The following ROBO1 variants were observed in gnomAD, a reference collection of about 807,000 sequenced individuals.
The protein encoded by ROBO1 is roundabout guidance receptor 1, also known as roundabout homolog 1.
A neutral mutation model predicts 195.9 loss-of-function variants in ROBO1; 149 were observed. The observed-to-expected ratio is 0.76, with a 90% CI of 0.67 to 0.87. ROBO1 has a LOEUF of 0.87. Among genes scored for constraint, ROBO1 ranks in the 40% least tolerant of loss-of-function variants. The pLI is 0.00. For missense variants in ROBO1, 1,933 were observed against 2,068.3 expected (o/e 0.93, Z 1.27); for synonymous variants, 816 against 733.2 (o/e 1.11, Z -1.82).
intron 10 of ROBO1, among the ~76,000 whole-genome samples, chr3:78,673,296 T>C (rs974015729): frequency 6.6e-6 from 1 of 151,092 alleles, no homozygotes; most frequent in African/African-American, 2.4e-5. Context: ...CTATAACTTG[T>C]TATTAGTCAC....
At chr3:79,400,026 T>G (rs373667535) in intron 2 of ROBO1, among the ~76,000 whole-genome samples, 3 of 152,254 alleles carry the variant, frequency 2.0e-5, no homozygotes, top group East Asian at 3.9e-4. Context: ...GTTTTATATT[T>G]AATTACTCAT....
intron 4 of ROBO1, among the ~76,000 whole-genome samples, chr3:78,922,593 C>T: frequency 7.6e-6 from 1 of 131,310 alleles, no homozygotes; most frequent in East Asian, 2.0e-4. Context: ...TCTTCTTCTC[C>T]TTCTTCTTCT....
intron 2 of ROBO1, among the ~76,000 whole-genome samples, chr3:79,460,528 C>G (rs1249493619): frequency 6.6e-6 from 1 of 152,008 alleles, no homozygotes; most frequent in Non-Finnish European, 1.5e-5. Context: ...TTTAATGATC[C>G]TTGTCAAGAG....
intron 2 of ROBO1, among the ~76,000 whole-genome samples, chr3:79,283,823 G>A (rs959465442): frequency 4.0e-5 from 6 of 150,540 alleles, no homozygotes; most frequent in Admixed American, 6.6e-5. Context: ...TCAGCCTCCC[G>A]AGTAGCTGGG....
Position 79,052,590 on chromosome 3 carries a change from A to G in ROBO1, c.172+72866T>C, listed in dbSNP as rs749589873. ...TTGCTGGTTTTGCAGCTCAGGGGGA[A>G]TCACAGAACCTGCCGACATGTGATG... On this transcript the variant is annotated intron_variant, in intron 3 of 30. Coordinates refer to ENST00000464233, the MANE Select transcript of ROBO1 (RefSeq NM_002941.4). Among the ~76,000 whole-genome samples the G allele has an allele frequency of 3.7e-4, 56 of 152,260 alleles. No homozygotes were observed. In the Middle Eastern group the frequency reaches 0.014, roughly 37 times the overall value.
chr3:79,145,218 T>C (rs1331455120), intron 2 of ROBO1, among the ~76,000 whole-genome samples: 1 of 151,918 alleles, frequency 6.6e-6, no homozygotes, highest in Non-Finnish European at 1.5e-5. Context: ...TCAGGTAATT[T>C]ACTATAAACA....
At chr3:79,387,736 A>G (rs1301805270) in intron 2 of ROBO1, among the ~76,000 whole-genome samples, 1 of 152,154 alleles carries the variant, frequency 6.6e-6, no homozygotes, top group Non-Finnish European at 1.5e-5. Context: ...AATAGTTGTT[A>G]AAGACTCTGT....
At chr3:79,458,805 G>C (rs183444492) in intron 2 of ROBO1, among the ~76,000 whole-genome samples, 1 of 151,458 alleles carries the variant, frequency 6.6e-6, no homozygotes, top group African/African-American at 2.4e-5. Context: ...ACATATTTCA[G>C]CATCAAATCA....
intron 4 of ROBO1, among the ~76,000 whole-genome samples, chr3:78,802,379 T>C (rs1216667808): frequency 6.6e-6 from 1 of 152,096 alleles, no homozygotes. Flanking sequence ...CATTTTAAAA[T>C]AAACACAAAC....
At chr3:79,522,883 T>A (rs1409153923) in intron 2 of ROBO1, among the ~76,000 whole-genome samples, 2 of 152,150 alleles carry the variant, frequency 1.3e-5, no homozygotes, top group Non-Finnish European at 1.5e-5. Context: ...TGGGAGGTCA[T>A]ACCTATAAAA....
chr3:79,335,397 C>A (rs1018430328), intron 2 of ROBO1, among the ~76,000 whole-genome samples: 1 of 151,960 alleles, frequency 6.6e-6, no homozygotes, highest in African/African-American at 2.4e-5. Flanking sequence ...GTGTCAAGGG[C>A]GGGACCAGGT....
intron 2 of ROBO1, among the ~76,000 whole-genome samples, chr3:79,530,416 G>C (rs968208201): frequency 6.6e-6 from 1 of 151,988 alleles, no homozygotes; most frequent in Non-Finnish European, 1.5e-5. Flanking sequence ...TTGACATTCA[G>C]AACTCAACAA....
At chr3:78,925,646 T>C (rs959060838) in intron 4 of ROBO1, among the ~76,000 whole-genome samples, 2 of 152,192 alleles carry the variant, frequency 1.3e-5, no homozygotes, top group African/African-American at 4.8e-5. Context: ...AATAATACTT[T>C]TGTGACCTGT....
At chr3:78,920,301 C>T (rs1285676813) in intron 4 of ROBO1, among the ~76,000 whole-genome samples, 2 of 150,652 alleles carry the variant, frequency 1.3e-5, no homozygotes, top group African/African-American at 5.0e-5. Flanking sequence ...TAGGCATGGA[C>T]AATTTTTTTT....
intron 2 of ROBO1, among the ~76,000 whole-genome samples, chr3:79,588,238 AT>A (rs1943890541): frequency 1.3e-5 from 2 of 151,798 alleles, no homozygotes; most frequent in African/African-American, 4.8e-5. Context: ...GTTCAAGTTG[AT>A]TTTTCTTCTC....
In ROBO1 at chr3:78,657,124, T is replaced by C; in HGVS notation, c.2588A>G (p.Lys863Arg). The change falls in exon 18 of 31, where the codon AAG (lysine) becomes AGG (arginine). Residue 863 changes from lysine (K) to arginine (R), a missense_variant. Lys to Arg is a conservative substitution (Grantham distance 26, BLOSUM62 2). This residue lies in a region of ROBO1 where 1,737 missense variants were observed against 1,882.5 expected (regional missense o/e 0.92). Transcript: ENST00000464233. ...AASTGAGSGV[K>R]SEPQFIQLDA... is the part of the protein sequence containing the mutation. ...CAGCTGGATGAACTGAGGCTCACTC[T>C]TTACCCCAGACCCAGCCCCAGTGCT... The C allele has an allele frequency of 1.2e-6, 2 of 1,611,072 alleles. No individual in the cohort carries two copies. Among genetic ancestry groups the C allele is most frequent in the Non-Finnish European group, 8.5e-7 (1 of 1,178,662 alleles).
At chr3:79,453,390 A>C (rs1244921816) in intron 2 of ROBO1, among the ~76,000 whole-genome samples, 3 of 152,124 alleles carry the variant, frequency 2.0e-5, no homozygotes, top group Non-Finnish European at 4.4e-5. Flanking sequence ...GATGCTTGTC[A>C]AACAGTGGCT....
intron 2 of ROBO1, among the ~76,000 whole-genome samples, chr3:79,192,483 A>G (rs2108758160): frequency 6.6e-6 from 1 of 151,802 alleles, no homozygotes; most frequent in South Asian, 2.1e-4. Flanking sequence ...TTCATCAGAA[A>G]AGTCTGCTCT....
intron 4 of ROBO1, among the ~76,000 whole-genome samples, chr3:78,859,550 G>A (rs959003405): frequency 3.3e-5 from 5 of 152,176 alleles, no homozygotes; most frequent in South Asian, 2.1e-4. Flanking sequence ...AGGGAATATA[G>A]AGGAAGAGAT....
Sources: gnomAD v4.1 joint callset for allele counts (sites outside exome capture counted in the v4.1 genomes callset) on GRCh38, gnomAD v4.1.1 for gene constraint, gnomAD v4.1.1 regional missense constraint, MANE v1.5 for transcripts, NCBI Gene and HGNC (gene_info 2026-07-23, HGNC 2026-07-21) for gene names.